APOB: variants seen among roughly 807,000 people sequenced by gnomAD.
The protein encoded by APOB is apolipoprotein B-100.
A neutral mutation model predicts 314.1 loss-of-function variants in APOB; 153 were observed. The ratio of observed to expected loss-of-function variants is 0.49; its 90% CI spans 0.43 to 0.56. APOB has a LOEUF of 0.56. APOB is among the 20% of genes least tolerant of loss of function. The probability of loss-of-function intolerance (pLI) is 0.00; values close to 1 mark genes in which losing one functional copy is unlikely to be tolerated. For missense variants in APOB, 5,430 were observed against 5,350.7 expected (o/e 1.01, Z -0.46); for synonymous variants, 2,087 against 2,036.4 (o/e 1.02, Z -0.67).
intron 23 of APOB, 103 bp from the exon 24 acceptor site, chr2:21,014,696 T>C: frequency 1.7e-6 from 2 of 1,195,088 alleles, no homozygotes; most frequent in Non-Finnish European, 2.4e-6. Flanking sequence ...ATTATTAAGC[T>C]GGACAATGCA....
Position 21,007,507 on chromosome 2 carries a change from C to A in APOB, c.9361G>T (p.Ala3121Ser), listed in dbSNP as rs1801694. The change falls in exon 26 of 29, where the codon GCA (alanine) becomes TCA (serine). Residue 3121 changes from alanine (A) to serine (S), a missense_variant. Ala to Ser is a moderately conservative substitution (Grantham distance 99). Transcript: ENST00000233242. ...MEAHVGINGEANLDFLNIPLT... is the reference protein window; with the variant it reads ...MEAHVGINGESNLDFLNIPLT... ...GGAATGTTTAAGAAATCCAGATTTG[C>A]TTCTCCATTTATTCCTACATGGGCC... 6.2e-7 allele frequency: 1 copy of A among 1,614,046 alleles called. No homozygotes were observed. Among genetic ancestry groups the A allele is most frequent in the Middle Eastern group, 1.6e-4 (1 of 6,062 alleles).
intron 5 of APOB, 58 bp from the exon 6 acceptor site, chr2:21,037,313 T>G: frequency 6.4e-7 from 1 of 1,553,704 alleles, no homozygotes; most frequent in Non-Finnish European, 8.9e-7. Flanking sequence ...CCTTGGGTAC[T>G]TGGGAGGGAT....
chr2:21,013,208 G>A lies in APOB; in HGVS notation c.4168C>T (p.His1390Tyr), dbSNP rs775723522. ...TCAACCACAGAGTCAGCCTTCATGT[G>A]GTAACGAGCCCGAAGGCTGAAATGG... is the stretch of plus-strand genomic sequence containing the variant. Reference protein sequence around the residue: ...TDHFSLRARYHMKADSVVDLL... With the variant: ...TDHFSLRARYYMKADSVVDLL... Residue 1390 changes from histidine to tyrosine, a missense_variant, in exon 25 of 29, where the codon CAC becomes TAC. Transcript: ENST00000233242. 6 of 1,614,164 alleles carry A rather than the reference G, an allele frequency of 3.7e-6. No homozygotes were observed. The highest frequency in any genetic ancestry group is 4.2e-6 in the Non-Finnish European group (5 of 1,180,028).
rs1382988295 is a variant in APOB, at chr2:21,006,686, C to T, written c.10182G>A (p.Lys3394=). The T allele has an allele frequency of 6.2e-7, 1 of 1,614,108 alleles. No individual in the cohort carries two copies. Among genetic ancestry groups the T allele is most frequent in the Admixed American group, 1.7e-5 (1 of 60,010 alleles). ...TGCTCAGAGACAGAGCTGTGGCTAA[C>T]TTCAATCCCCTTTTTCTTGTCAATC... ...TTRLTRKRGL[K]LATALSLSNK... Residue 3394 remains lysine, a synonymous_variant, in exon 26 of 29, where the codon AAG becomes AAA. Transcript: ENST00000233242.
At position 21,009,293 on chromosome 2, in the gene APOB, T is replaced by C. The variant is rs377302171; in HGVS notation, c.7575A>G (p.Gln2525=). 54 of 1,613,976 alleles carry C rather than the reference T, an allele frequency of 3.3e-5. No individual in the cohort carries two copies. Among genetic ancestry groups the C allele is most frequent in the Middle Eastern group, 3.3e-4 (2 of 6,084 alleles). The part of the protein sequence containing the change: ...TLEDTRDRMY[Q]MDIQQELQRY... ...GTTGAAGTTCCTGCTGAATGTCCAT[T>C]TGATACATTCGGTCTCGTGTATCTT... The change falls in exon 26 of 29, where the codon CAA becomes CAG. Residue 2525 remains glutamine (Q), a synonymous_variant. Transcript: ENST00000233242.
At position 21,005,128 on chromosome 2, in the gene APOB, C is replaced by G. The variant is rs776747773; in HGVS notation, c.11740G>C (p.Asp3914His). Residue 3914 changes from aspartate (D) to histidine (H), a missense_variant, in exon 26 of 29, where the codon GAT (aspartate) becomes CAT (histidine). Asp to His is a moderately conservative substitution (Grantham distance 81). Transcript: ENST00000233242. ...NKADYVETVL[D>H]STCSSTVQFL... ...TGTACGGTTGAGCTGCATGTGGAATCCAGGACTGTTTCAACATAATCTGCT... is the reference window on the plus strand; with the variant it reads ...TGTACGGTTGAGCTGCATGTGGAATGCAGGACTGTTTCAACATAATCTGCT... The G allele has an allele frequency of 8.1e-6, 13 of 1,613,972 alleles. No individual in the cohort carries two copies. The South Asian group carries it at 1.4e-4, about 18-fold the overall frequency.
chr2:21,032,446 C>T lies in APOB; in HGVS notation c.1260G>A (p.Glu420=). The T allele has an allele frequency of 6.2e-7, 1 of 1,614,138 alleles. No individual in the cohort carries two copies. Among genetic ancestry groups the T allele is most frequent in the Non-Finnish European group, 8.5e-7 (1 of 1,180,044 alleles). Residue 420 remains glutamate (E), a synonymous_variant, in exon 10 of 29, where the codon GAG becomes GAA. Transcript: ENST00000233242. ...TCTCTCGCAGCTGCTGTGCTGAGGG[C>T]TCGGGGATCAGGGCCACCAGGTAGG... ...VVTYLVALIP[E]PSAQQLREIF...
chr2:21,008,042 A>G lies in APOB; in HGVS notation c.8826T>C (p.His2942=). The G allele has an allele frequency of 3.7e-6, 6 of 1,614,070 alleles. No individual in the cohort carries two copies. The highest frequency in any genetic ancestry group is 4.2e-6 in the Non-Finnish European group (5 of 1,179,952). Residue 2942 remains histidine, a synonymous_variant, in exon 26 of 29, where the codon CAT becomes CAC. Coordinates refer to ENST00000233242, the MANE Select transcript of APOB (RefSeq NM_000384.3). The part of the protein sequence containing the change: ...ACPRFSDEGT[H]ESQISFTIEG... ...CTATGGTGAAACTAATTTGTGATTC[A>G]TGTGTTCCCTCATCTGAGAATCTGG...
intron 20 of APOB, among the ~76,000 whole-genome samples, chr2:21,018,098 C>T (rs1572789857): frequency 6.6e-6 from 1 of 152,154 alleles, no homozygotes; most frequent in Non-Finnish European, 1.5e-5. Flanking sequence ...TCTTCATTCC[C>T]CTTTTCCTCT....
In APOB at chr2:21,043,737, A is replaced by G. The variant is rs554534132; in HGVS notation, c.82+127T>C. The G allele has an allele frequency of 1.0e-4, 154 of 1,510,566 alleles. 5 individuals are homozygous for G. In the Admixed American group the frequency reaches 3.0e-3, roughly 29 times the overall value. 93.6% of individuals were successfully genotyped at this position (1,510,566 alleles called of 1,614,324 possible). ...CCTGCAGGGGCCGCCAGCTGGTCCA[A>G]TCCCCCCACTCGCCCTGGACCCTGT... On this transcript the variant is annotated intron_variant, in intron 1 of 28. Transcript: ENST00000233242.
At position 21,029,888 on chromosome 2, in the gene APOB, C is replaced by A; in HGVS notation, c.1470+10G>T. 6.2e-7 allele frequency: 1 copy of A among 1,610,724 alleles called. No individual in the cohort carries two copies. The highest frequency in any genetic ancestry group is 8.5e-7 in the Non-Finnish European group (1 of 1,177,226). On this transcript the variant is annotated intron_variant, in intron 11 of 28. Transcript: ENST00000233242. Reference sequence around the variant, plus strand: ...GAAATGATGTATGTCATATAAAAGACTGAGATTACCCGCAGAATCAAATAG... The same window carrying A: ...GAAATGATGTATGTCATATAAAAGAATGAGATTACCCGCAGAATCAAATAG...
chr2:21,007,524 A>C lies in APOB; in HGVS notation c.9344T>G (p.Val3115Gly). The C allele has an allele frequency of 6.2e-7, 1 of 1,614,110 alleles. No homozygotes were observed. The highest frequency in any genetic ancestry group is 1.1e-5 in the South Asian group (1 of 91,082). Residue 3115 changes from valine to glycine, a missense_variant, in exon 26 of 29, where the codon GTA (valine) becomes GGA (glycine). By Grantham distance (109) the Val-to-Gly change is moderately radical. Coordinates refer to ENST00000233242, the MANE Select transcript of APOB (RefSeq NM_000384.3). ...CAGATTTGCTTCTCCATTTATTCCT[A>C]CATGGGCCTCCATAATGTTCTCGTT... ...GNNENIMEAH[V>G]GINGEANLDF...
In APOB at chr2:21,044,015, G is replaced by A; in HGVS notation, c.-70C>T. Reference sequence around the variant, plus strand: ...GCCTCGCGGCCCTGGCTGGCTGGGCGGGCTCCTCAGCGGCAGCAACCGAGA... The same window carrying A: ...GCCTCGCGGCCCTGGCTGGCTGGGCAGGCTCCTCAGCGGCAGCAACCGAGA... On this transcript the variant is annotated 5_prime_UTR_variant, in exon 1 of 29. Transcript: ENST00000233242. 1.2e-6 allele frequency: 1 copy of A among 821,320 alleles called. No homozygotes were observed. The highest frequency in any genetic ancestry group is 1.6e-6 in the Non-Finnish European group (1 of 621,230). 50.9% of individuals were successfully genotyped at this position (821,320 alleles called of 1,614,324 possible).
chr2:21,039,120 A>G (rs1206439951), intron 4 of APOB, among the ~76,000 whole-genome samples: 1 of 152,200 alleles, frequency 6.6e-6, no homozygotes, highest in Non-Finnish European at 1.5e-5. Context: ...TAGAGTCCCA[A>G]AGACTAAAAT....
intron 1 of APOB, 45 bp downstream of exon 1, chr2:21,043,819 C>G: frequency 6.5e-7 from 1 of 1,530,620 alleles, no homozygotes; most frequent in Non-Finnish European, 8.7e-7. Flanking sequence ...GTGCCGCCGG[C>G]TCCCTCCCGC....
intron 1 of APOB, 125 bp downstream of exon 1, chr2:21,043,738 TC>T: frequency 2.0e-6 from 3 of 1,507,056 alleles, no homozygotes; most frequent in African/African-American, 1.4e-5. Flanking sequence ...GCTGGTCCAA[TC>T]CCCCCACTCG....
In APOB at chr2:21,004,645, G is replaced by T. The variant is rs72654416; in HGVS notation, c.11819C>A (p.Thr3940Lys). Residue 3940 changes from threonine to lysine, a missense_variant, in exon 27 of 29, where the codon ACG (threonine) becomes AAG (lysine). Physicochemically the swap from Thr to Lys is moderately conservative, Grantham distance 78. This residue lies in a region of APOB where 3,281 missense variants were observed against 3,171.0 expected (regional missense o/e 1.03). Coordinates refer to ENST00000233242, the MANE Select transcript of APOB (RefSeq NM_000384.3). ...TGTTCCTTTAGTCTTAGAGGCTAAC[G>T]TACCATCTTCGATTTTGTGTGTTCC... Reference protein sequence around the residue: ...VLGTHKIEDGTLASKTKGTFA... With the variant: ...VLGTHKIEDGKLASKTKGTFA... 2 of 1,613,786 alleles carry T rather than the reference G, an allele frequency of 1.2e-6. No homozygotes were observed. Among genetic ancestry groups the T allele is most frequent in the Admixed American group, 3.3e-5 (2 of 60,004 alleles).
intron 10 of APOB, among the ~76,000 whole-genome samples, chr2:21,030,884 A>G (rs1663860556): frequency 6.6e-6 from 1 of 152,238 alleles, no homozygotes; most frequent in Admixed American, 6.5e-5. Flanking sequence ...GAGAAATGTA[A>G]ATTAAAACCA....
chr2:21,002,411 G>T lies in APOB; in HGVS notation c.13011C>A (p.Phe4337Leu). 1 of 1,599,218 alleles carries T rather than the reference G, an allele frequency of 6.3e-7. No individual in the cohort carries two copies. The highest frequency in any genetic ancestry group is 8.5e-7 in the Non-Finnish European group (1 of 1,171,040). The change falls in exon 29 of 29, where the codon TTC (phenylalanine) becomes TTA (leucine). Residue 4337 changes from phenylalanine (F) to leucine (L), a missense_variant. Coordinates refer to ENST00000233242, the MANE Select transcript of APOB (RefSeq NM_000384.3). Reference protein sequence around the residue: ...NYIQDEINTIFSDYIPYVFKL... With the variant: ...NYIQDEINTILSDYIPYVFKL... ...TAAAAACATATGGGATATAATCACT[G>T]AAGATTGTGTTGATCTCATCTTGGA...
Sources: gnomAD v4.1 joint callset for allele counts (sites outside exome capture counted in the v4.1 genomes callset) on GRCh38, gnomAD v4.1.1 for gene constraint, gnomAD v4.1.1 regional missense constraint, MANE v1.5 for transcripts, NCBI Gene and HGNC (gene_info 2026-07-23, HGNC 2026-07-21) for gene names.